The following CHODL variants were observed in gnomAD, a reference collection of about 807,000 sequenced individuals.
The protein encoded by CHODL is transmembrane protein MT75.
In CHODL, 29 loss-of-function variants were observed where a neutral mutation model predicts 34.5. The observed-to-expected ratio is 0.84, with a 90% CI of 0.63 to 1.15. CHODL has a LOEUF of 1.15. Among genes scored for constraint, CHODL ranks in the 50% most tolerant of loss-of-function variants. The pLI is 0.00. For synonymous variants in CHODL, 125 were observed against 116.1 expected (o/e 1.08, Z -0.49); for missense variants, 332 against 332.5 (o/e 1.00, Z 0.01).
chr21:18,016,668 A>G (rs1015454142), intron 1 of CHODL, among the ~76,000 whole-genome samples: 5 of 152,182 alleles, frequency 3.3e-5, no homozygotes, highest in Non-Finnish European at 1.5e-5. Flanking sequence ...CTATGAAAAG[A>G]GGGCCACCAT....
At chr21:18,093,118 G>T (rs892400495) in intron 2 of CHODL, among the ~76,000 whole-genome samples, 8 of 152,264 alleles carry the variant, frequency 5.3e-5, no homozygotes, top group African/African-American at 1.9e-4. Flanking sequence ...ATACAATGGT[G>T]CTTCAACGCA....
chr21:18,164,308 G>A (rs998706438), intron 2 of CHODL, among the ~76,000 whole-genome samples: 4 of 152,218 alleles, frequency 2.6e-5, no homozygotes, highest in Non-Finnish European at 5.9e-5. Flanking sequence ...TTGCAAGCAT[G>A]AAGCCAGGAA....
Position 18,266,133 on chromosome 21 carries a change from G to A in CHODL, c.*95G>A, listed in dbSNP as rs755599558. The A allele has an allele frequency of 3.1e-6, 5 of 1,604,110 alleles. No individual in the cohort carries two copies. The highest frequency in any genetic ancestry group is 4.3e-6 in the Non-Finnish European group (5 of 1,174,038). On this transcript the variant is annotated 3_prime_UTR_variant, in exon 6 of 6. Transcript: ENST00000299295. ...CTTGGAATGGCTTGAAATCACAAAG[G>A]ATCTGCAAGATGAACTGTAAGCTCC...
At chr21:18,141,723 GA>G (rs11308901) in intron 2 of CHODL, among the ~76,000 whole-genome samples, 38,185 of 124,386 alleles carry the variant, frequency 0.31, 5,882 homozygotes, top group African/African-American at 0.47. Flanking sequence ...GAAAGAACAG[GA>G]AAAAAAAAAA....
intron 1 of CHODL, among the ~76,000 whole-genome samples, chr21:18,248,303 A>G (rs1250060579): frequency 6.6e-6 from 1 of 151,730 alleles, no homozygotes; most frequent in Non-Finnish European, 1.5e-5. Flanking sequence ...GGGAGATACA[A>G]GAAAAACTGC....
intron 2 of CHODL, among the ~76,000 whole-genome samples, chr21:18,097,232 CAA>C (rs771524955): frequency 6.6e-6 from 1 of 151,972 alleles, no homozygotes; most frequent in African/African-American, 2.4e-5. Context: ...AACAATCAGA[CAA>C]GAGAAAGGAA....
intron 2 of CHODL, among the ~76,000 whole-genome samples, chr21:18,078,275 G>T (rs568926593): frequency 6.6e-6 from 1 of 152,102 alleles, no homozygotes; most frequent in African/African-American, 2.4e-5. Context: ...AGAAGGAAAG[G>T]CACCTCCTAT....
Position 18,245,089 on chromosome 21 carries a change from G to T in CHODL, c.-135G>T, listed in dbSNP as rs550690105. The T allele has an allele frequency of 3.4e-4, 236 of 696,522 alleles. 1 individual carries two copies. The highest frequency in any genetic ancestry group is 1.2e-3 in the Admixed American group (28 of 23,698). 43.1% of individuals were successfully genotyped at this position (696,522 alleles called of 1,614,324 possible). ...CCGAAGGCGATGCGCGCAGGGGGTC[G>T]GGCAGCTGGGCTCGGGCGGCGGGAG... On this transcript the variant is annotated 5_prime_UTR_variant, in exon 1 of 6. Transcript: ENST00000299295.
chr21:17,995,149 C>T (rs1193452803), intron 1 of CHODL, among the ~76,000 whole-genome samples: 1 of 152,040 alleles, frequency 6.6e-6, no homozygotes, highest in African/African-American at 2.4e-5. Flanking sequence ...AAATTCAGGG[C>T]CTGTTGGGAC....
At position 18,201,831 on chromosome 21, in the gene CHODL, G is replaced by T. The variant is rs188366158; in HGVS notation, c.-44-54678G>T. 3.5e-3 allele frequency among the ~76,000 whole-genome samples: 492 copies of T among 140,982 alleles called. 2 individuals carry two copies. The highest frequency in any genetic ancestry group is 0.011 in the African/African-American group (433 of 37,716). 92.5% of individuals were successfully genotyped at this position (140,982 alleles called of 152,430 possible). A position where few individuals can be genotyped will look rare whatever the true frequency, so the allele number is the denominator to read the frequency against. On this transcript the variant is annotated intron_variant, in intron 2 of 6. Coordinates refer to the CHODL transcript ENST00000400127. ...TTTTTTTTTTTTTTTTTGAGAGGGAGTCTCACTCTGTCGCCCAGGCTGGAG... is the reference window on the plus strand; with the variant it reads ...TTTTTTTTTTTTTTTTTGAGAGGGATTCTCACTCTGTCGCCCAGGCTGGAG...
At chr21:17,946,539 A>G (rs936711405) in intron 1 of CHODL, among the ~76,000 whole-genome samples, 11 of 152,174 alleles carry the variant, frequency 7.2e-5, no homozygotes, top group Non-Finnish European at 1.5e-4. Flanking sequence ...ATTTCAGTTA[A>G]TTTATTCCTT....
intron 1 of CHODL, among the ~76,000 whole-genome samples, chr21:18,248,711 TATATACATATATATGTATATAATA>T (rs1568955367): frequency 5.1e-5 from 6 of 117,754 alleles, no homozygotes; most frequent in African/African-American, 2.3e-4. Context: ...ATGTATATAA[TATATACATATATATGTATATAATA>T]TATATGTATA....
At position 18,230,209 on chromosome 21, in the gene CHODL, T is replaced by G. The variant is rs147013842; in HGVS notation, c.-44-26300T>G. On this transcript the variant is annotated intron_variant, in intron 2 of 6. Coordinates refer to the CHODL transcript ENST00000400127. ...GGGTCCTCTTAGTCCTGGCTCCACA[T>G]GAAGTTTGCTTTGCTAAAAAATTTC... Among the ~76,000 whole-genome samples, 655 of 152,238 alleles carry G rather than the reference T, an allele frequency of 4.3e-3. 3 individuals are homozygous for G. Among genetic ancestry groups the G allele is most frequent in the Non-Finnish European group, 7.1e-3 (482 of 68,008 alleles).
At chr21:18,091,012 G>C (rs1167023599) in intron 2 of CHODL, among the ~76,000 whole-genome samples, 1 of 152,214 alleles carries the variant, frequency 6.6e-6, no homozygotes, top group Non-Finnish European at 1.5e-5. Flanking sequence ...TGACCGTCTG[G>C]CCTGCAGAGA....
At chr21:17,990,525 T>C (rs1483665775) in intron 1 of CHODL, among the ~76,000 whole-genome samples, 1 of 152,152 alleles carries the variant, frequency 6.6e-6, no homozygotes, top group Non-Finnish European at 1.5e-5. Flanking sequence ...TATACTAACA[T>C]TTCCACTACG....
intron 2 of CHODL, among the ~76,000 whole-genome samples, chr21:18,067,712 G>A (rs1390299390): frequency 6.6e-6 from 1 of 152,110 alleles, no homozygotes; most frequent in Admixed American, 6.5e-5. Context: ...CTTCATATTT[G>A]AGAAATAAGG....
chr21:17,970,088 C>T (rs1382624199), intron 1 of CHODL, among the ~76,000 whole-genome samples: 2 of 152,142 alleles, frequency 1.3e-5, no homozygotes, highest in Non-Finnish European at 2.9e-5. Flanking sequence ...TTCTTTCTCA[C>T]ATTGCCCTGG....
intron 2 of CHODL, among the ~76,000 whole-genome samples, chr21:18,102,972 C>G (rs971932553): frequency 3.9e-5 from 6 of 152,136 alleles, no homozygotes; most frequent in Non-Finnish European, 8.8e-5. Context: ...AATCTCTCTT[C>G]TGGAATCCAA....
intron 1 of CHODL, among the ~76,000 whole-genome samples, chr21:17,994,792 T>C (rs1392942920): frequency 6.6e-6 from 1 of 152,020 alleles, no homozygotes; most frequent in Non-Finnish European, 1.5e-5. Flanking sequence ...GTGTGTGGTA[T>C]GTGGGTGCCA....
Sources: allele counts gnomAD v4.1 joint callset (sites outside exome capture counted in the v4.1 genomes callset), GRCh38; gene constraint gnomAD v4.1.1; transcripts MANE v1.5; gene names NCBI Gene and HGNC (gene_info 2026-07-23, HGNC 2026-07-21).